MALT1: variants seen among roughly 807,000 people sequenced by gnomAD.
MALT1 encodes the protein MALT1 paracaspase, also known as mucosa-associated lymphoid tissue lymphoma translocation protein 1.
MALT1 carries 36 observed loss-of-function variants against 85.5 expected under a neutral mutation model. The ratio of observed to expected loss-of-function variants is 0.42; its 90% CI spans 0.32 to 0.56. The LOEUF (loss-of-function observed/expected upper bound fraction) is 0.56. MALT1 is among the 20% of genes least tolerant of loss of function. MALT1 has a pLI of 0.10. For missense variants in MALT1, 716 were observed against 981.6 expected (o/e 0.73, Z 3.62); for synonymous variants, 359 against 361.3 (o/e 0.99, Z 0.07).
At position 58,671,833 on chromosome 18, in the gene MALT1, C is replaced by T. The variant is rs1307537473; in HGVS notation, c.190C>T (p.Arg64Cys). Residue 64 changes from arginine to cysteine, a missense_variant, in exon 1 of 17, where the codon CGC becomes TGC. Physicochemically the swap from Arg to Cys is radical, Grantham distance 180 (BLOSUM62 -3). Around this residue, in one of 4 missense-constraint regions of MALT1, gnomAD observed 290 missense variants for 380.5 expected, o/e 0.76. Coordinates refer to ENST00000649217, the MANE Select transcript of MALT1 (RefSeq NM_006785.4). Reference sequence around the variant, plus strand: ...GAGACTGGCGGAGCTGGCGGGGAGTCGCGGGCGCCTCCGCCTCAGGTGAGC... The same window carrying T: ...GAGACTGGCGGAGCTGGCGGGGAGTTGCGGGCGCCTCCGCCTCAGGTGAGC... Reference protein sequence around the residue: ...WRRLAELAGSRGRLRLSCLDL... With the variant: ...WRRLAELAGSCGRLRLSCLDL... 7.3e-6 allele frequency: 9 copies of T among 1,229,134 alleles called. No homozygotes were observed. Among genetic ancestry groups the T allele is most frequent in the Non-Finnish European group, 9.1e-6 (9 of 986,402 alleles). The allele number at this position is 1,229,134 out of a possible 1,614,324, so 76.1% of individuals were successfully genotyped here. A position where few individuals can be genotyped will look rare whatever the true frequency, so the allele number is the denominator to read the frequency against.
intron 4 of MALT1, among the ~76,000 whole-genome samples, chr18:58,706,993 T>C (rs1050068173): frequency 6.6e-6 from 1 of 152,182 alleles, no homozygotes; most frequent in Non-Finnish European, 1.5e-5. Flanking sequence ...GTTAGACTAT[T>C]TGATATTGTC....
At chr18:58,681,015 A>T (rs2054314615) in intron 1 of MALT1, among the ~76,000 whole-genome samples, 155 bp from the exon 2 acceptor site, 2 of 151,256 alleles carry the variant, frequency 1.3e-5, no homozygotes, top group African/African-American at 4.9e-5. Context: ...ATGAAAGAGG[A>T]GGAAAGGATA....
chr18:58,694,249 C>A (rs2054555370), intron 2 of MALT1, among the ~76,000 whole-genome samples: 1 of 152,188 alleles, frequency 6.6e-6, no homozygotes, highest in Admixed American at 6.5e-5. Context: ...CTCAAATGTG[C>A]TAGGTATACA....
At chr18:58,696,589 G>C (rs2054593200) in intron 3 of MALT1, 102 bp downstream of exon 3, 1 of 936,904 alleles carries the variant, frequency 1.1e-6, no homozygotes, top group South Asian at 2.8e-5. Context: ...TTTGGTAAAA[G>C]AGTCTGATAG....
intron 4 of MALT1, among the ~76,000 whole-genome samples, chr18:58,706,131 G>T (rs11152088): frequency 5.3e-5 from 8 of 151,516 alleles, no homozygotes; most frequent in African/African-American, 1.9e-4. Context: ...GACTACAGGC[G>T]CCCGCCACCA....
chr18:58,704,630 G>T (rs752969420), intron 4 of MALT1, among the ~76,000 whole-genome samples: 2 of 152,070 alleles, frequency 1.3e-5, no homozygotes, highest in African/African-American at 4.8e-5. Flanking sequence ...CTAATTTTTT[G>T]TATTTTTGGT....
At chr18:58,722,612 G>A (rs1027894822) in intron 9 of MALT1, among the ~76,000 whole-genome samples, 1 of 152,028 alleles carries the variant, frequency 6.6e-6, no homozygotes, top group Non-Finnish European at 1.5e-5. Flanking sequence ...CCCTTTTTTA[G>A]TTATCTTGTT....
chr18:58,723,024 ACC>A (rs1308483505), intron 9 of MALT1, 22 bp from the exon 10 acceptor site: 1 of 1,565,172 alleles, frequency 6.4e-7, no homozygotes, highest in Non-Finnish European at 8.8e-7. Flanking sequence ...TTCTTTAAAC[ACC>A]CCCTTTCTTT....
intron 9 of MALT1, 74 bp from the exon 10 acceptor site, chr18:58,722,974 A>G: frequency 7.4e-6 from 7 of 945,510 alleles, no homozygotes; most frequent in Non-Finnish European, 1.1e-5. Flanking sequence ...ACTTTTTATT[A>G]TAATACCATC....
intron 1 of MALT1, among the ~76,000 whole-genome samples, chr18:58,677,989 C>CT (rs2054265727): frequency 6.6e-6 from 1 of 152,138 alleles, no homozygotes; most frequent in Non-Finnish European, 1.5e-5. Context: ...CTTTAATATT[C>CT]TTTTAATATC....
At chr18:58,709,156 G>A (rs1338815972) in intron 4 of MALT1, among the ~76,000 whole-genome samples, 1 of 152,238 alleles carries the variant, frequency 6.6e-6, no homozygotes, top group East Asian at 1.9e-4. Flanking sequence ...ATCGAGAAAT[G>A]TGTTTAACCC....
chr18:58,734,448 T>G (rs1219833378), intron 12 of MALT1, 67 bp downstream of exon 12: 1 of 1,281,234 alleles, frequency 7.8e-7, no homozygotes, highest in Admixed American at 1.7e-5. Flanking sequence ...TTTTGCTTTT[T>G]AGGAGCAGGG....
chr18:58,733,602 T>C (rs986588938), intron 11 of MALT1, 28 bp downstream of exon 11: 2 of 1,491,208 alleles, frequency 1.3e-6, no homozygotes, highest in Non-Finnish European at 9.1e-7. Flanking sequence ...TATTAAAGAA[T>C]TGTTGGAGTT....
chr18:58,696,026 TC>T (rs1202915303), intron 2 of MALT1, among the ~76,000 whole-genome samples: 2 of 152,226 alleles, frequency 1.3e-5, no homozygotes, highest in African/African-American at 4.8e-5. Flanking sequence ...CTGACAGGCA[TC>T]TGTTATAAGG....
intron 13 of MALT1, 61 bp from the exon 14 acceptor site, chr18:58,741,803 TA>T: frequency 9.6e-7 from 1 of 1,046,874 alleles, no homozygotes; most frequent in South Asian, 2.3e-5. Context: ...GTTCTTAGCC[TA>T]AATATTTAAA....
At position 58,748,827 on chromosome 18, in the gene MALT1, G is replaced by T; in HGVS notation, c.*985G>T. 1 of 203,260 alleles carries T rather than the reference G, an allele frequency of 4.9e-6. No individual in the cohort carries two copies. The highest frequency in any genetic ancestry group is 1.0e-5 in the Non-Finnish European group (1 of 99,020). The allele number at this position is 203,260 out of a possible 1,614,324, so 12.6% of individuals were successfully genotyped here. A position where few individuals can be genotyped will look rare whatever the true frequency, so the allele number is the denominator to read the frequency against. On this transcript the variant is annotated 3_prime_UTR_variant, in exon 17 of 17. Coordinates refer to ENST00000649217, the MANE Select transcript of MALT1 (RefSeq NM_006785.4). Reference sequence around the variant, plus strand: ...AAGAAAATCCCAGGCCTAGATGGCTGCATTGTTGAATTCTGCCAAACATTA... The same window carrying T: ...AAGAAAATCCCAGGCCTAGATGGCTTCATTGTTGAATTCTGCCAAACATTA...
rs948916485 is a variant in MALT1, at chr18:58,749,485, A to G, written c.*1643A>G. ...ATTTCCACCCTCCAGTCATTTCTCT[A>G]TGAGACTGAAGCAGGAAGGCAGAGC... On this transcript the variant is annotated 3_prime_UTR_variant, in exon 17 of 17. Coordinates refer to ENST00000649217, the MANE Select transcript of MALT1 (RefSeq NM_006785.4). 4 of 215,596 alleles carry G rather than the reference A, an allele frequency of 1.9e-5. No individual in the cohort carries two copies. Among genetic ancestry groups the G allele is most frequent in the East Asian group, 6.9e-5 (1 of 14,444 alleles). The allele number at this position is 215,596 out of a possible 1,614,324, so 13.4% of individuals were successfully genotyped here.
intron 13 of MALT1, among the ~76,000 whole-genome samples, chr18:58,740,896 T>C (rs2055292261): frequency 6.6e-6 from 1 of 152,164 alleles, no homozygotes; most frequent in Non-Finnish European, 1.5e-5. Flanking sequence ...TCTAGCACTT[T>C]TTACTTCATA....
chr18:58,729,790 C>CA (rs1244992252), intron 10 of MALT1, among the ~76,000 whole-genome samples: 1 of 152,180 alleles, frequency 6.6e-6, no homozygotes, highest in Non-Finnish European at 1.5e-5. Context: ...AAGAGCTACT[C>CA]AGAGTGTGTA....
Sources: allele counts gnomAD v4.1 joint callset (sites outside exome capture counted in the v4.1 genomes callset), GRCh38; gene constraint gnomAD v4.1.1; regional missense constraint gnomAD v4.1.1; transcripts MANE v1.5; gene names NCBI Gene and HGNC (gene_info 2026-07-23, HGNC 2026-07-21).